UTRN: variants seen among roughly 807,000 people sequenced by gnomAD.
UTRN encodes dystrophin-related protein 1.
UTRN carries 283 observed loss-of-function variants against 463.9 expected under a neutral mutation model. The ratio of observed to expected loss-of-function variants is 0.61; its 90% CI spans 0.55 to 0.67. The LOEUF is 0.67. Ranked by LOEUF, UTRN falls within the 30% of genes least tolerant of loss-of-function variation. The probability of loss-of-function intolerance (pLI) is 0.00; values close to 1 mark genes in which losing one functional copy is unlikely to be tolerated. For missense variants in UTRN, 3,922 were observed against 4,084.3 expected, an observed-to-expected ratio of 0.96 and a Z score of 1.08; for synonymous variants, 1,442 against 1,431.5, an observed-to-expected ratio of 1.01 and a Z score of -0.17.
At chr6:144,843,395 C>T (rs1781758764) in intron 73 of UTRN, among the ~76,000 whole-genome samples, 1 of 152,034 alleles carries the variant, frequency 6.6e-6, no homozygotes, top group Non-Finnish European at 1.5e-5. Context: ...TCAAAGTATA[C>T]TCTGACATCC....
intron 17 of UTRN, among the ~76,000 whole-genome samples, chr6:144,449,748 A>G (rs532004144): frequency 6.6e-6 from 1 of 152,340 alleles, no homozygotes; most frequent in South Asian, 2.1e-4. Context: ...AGAATCAGCA[A>G]TAACGACTTG....
chr6:144,507,818 A>C (rs1794815737), intron 34 of UTRN, among the ~76,000 whole-genome samples: 1 of 152,198 alleles, frequency 6.6e-6, no homozygotes, highest in Non-Finnish European at 1.5e-5. Context: ...TGCTCTCTTC[A>C]GAGCCAGCAG....
At chr6:144,560,373 A>G (rs1354088918) in intron 50 of UTRN, among the ~76,000 whole-genome samples, 1 of 151,998 alleles carries the variant, frequency 6.6e-6, no homozygotes, top group Non-Finnish European at 1.5e-5. Context: ...ACTGATTCTT[A>G]TCTGTGTTGA....
intron 51 of UTRN, among the ~76,000 whole-genome samples, chr6:144,663,792 CT>C (rs1384500746): frequency 6.6e-6 from 1 of 152,174 alleles, no homozygotes; most frequent in African/African-American, 2.4e-5. Flanking sequence ...CATTTACCTC[CT>C]TTCACATGAC....
intron 53 of UTRN, among the ~76,000 whole-genome samples, chr6:144,707,381 A>G (rs1785201936): frequency 6.6e-6 from 1 of 152,212 alleles, no homozygotes; most frequent in South Asian, 2.1e-4. Context: ...TCTCTGTTCC[A>G]TACTTGCTGT....
At chr6:144,401,052 T>C (rs1782895427) in intron 2 of UTRN, among the ~76,000 whole-genome samples, 1 of 152,182 alleles carries the variant, frequency 6.6e-6, no homozygotes, top group African/African-American at 2.4e-5. Flanking sequence ...AGTTAAATGC[T>C]CCGGAAACAG....
At chr6:144,435,283 A>G (rs1317559620) in intron 9 of UTRN, among the ~76,000 whole-genome samples, 1 of 152,242 alleles carries the variant, frequency 6.6e-6, no homozygotes, top group Admixed American at 6.5e-5. Flanking sequence ...CAATTTGGTT[A>G]TAAGCTCTTA....
At chr6:144,534,290 C>G (rs751664349) in intron 43 of UTRN, among the ~76,000 whole-genome samples, 8 of 152,140 alleles carry the variant, frequency 5.3e-5, no homozygotes, top group Non-Finnish European at 1.0e-4. Flanking sequence ...CATGACTCAC[C>G]TCTTAGGGGA....
At chr6:144,389,368 G>A (rs962025429) in intron 2 of UTRN, among the ~76,000 whole-genome samples, 3 of 151,984 alleles carry the variant, frequency 2.0e-5, no homozygotes, top group African/African-American at 7.3e-5. Flanking sequence ...TGATTTTTGG[G>A]GCCCCACCGT....
chr6:144,313,786 G>C (rs981327124), intron 2 of UTRN, among the ~76,000 whole-genome samples: 1 of 152,232 alleles, frequency 6.6e-6, no homozygotes, highest in Non-Finnish European at 1.5e-5. Flanking sequence ...GAGAGATGGG[G>C]ATGGAAGAGG....
At chr6:144,302,689 A>G (rs1805392878) in intron 2 of UTRN, among the ~76,000 whole-genome samples, 2 of 152,198 alleles carry the variant, frequency 1.3e-5, no homozygotes, top group Admixed American at 1.3e-4. Flanking sequence ...AAAGACATCA[A>G]TAAACATCCC....
At chr6:144,623,127 C>CACTT (rs748922744) in intron 51 of UTRN, among the ~76,000 whole-genome samples, 1 of 152,160 alleles carries the variant, frequency 6.6e-6, no homozygotes, top group Non-Finnish European at 1.5e-5. Flanking sequence ...GAGGACTGAA[C>CACTT]ACTTGAGTTT....
At chr6:144,535,938 C>G (rs1797489569) in intron 43 of UTRN, among the ~76,000 whole-genome samples, 1 of 152,108 alleles carries the variant, frequency 6.6e-6, no homozygotes. Flanking sequence ...TGCTACCACA[C>G]CCAGCTGATT....
chr6:144,636,613 A>G (rs1015820223), intron 51 of UTRN, among the ~76,000 whole-genome samples: 4 of 152,226 alleles, frequency 2.6e-5, no homozygotes, highest in Non-Finnish European at 4.4e-5. Flanking sequence ...AACAAAGAAG[A>G]TAGATTTTAG....
At chr6:144,828,752 T>C (rs750065231) in intron 68 of UTRN, 38 bp from the exon 69 acceptor site, 64 of 1,580,586 alleles carry the variant, frequency 4.0e-5, no homozygotes, top group Non-Finnish European at 5.2e-5. Context: ...ATGTCCTATA[T>C]GGCCATGTTG....
intron 56 of UTRN, 56 bp downstream of exon 56, chr6:144,752,008 C>A: frequency 6.7e-7 from 1 of 1,488,670 alleles, no homozygotes; most frequent in South Asian, 1.4e-5. Flanking sequence ...GTCTTTAAAC[C>A]CTACCTCACT....
At chr6:144,530,352 C>G (rs548909512) in intron 41 of UTRN, among the ~76,000 whole-genome samples, 2 of 152,264 alleles carry the variant, frequency 1.3e-5, no homozygotes, top group East Asian at 1.9e-4. Flanking sequence ...AGACTAGAGC[C>G]CCACACTTAT....
chr6:144,365,982 C>T (rs1337606285), intron 2 of UTRN, among the ~76,000 whole-genome samples: 1 of 152,212 alleles, frequency 6.6e-6, no homozygotes, highest in Admixed American at 6.5e-5. Flanking sequence ...AGGTGTTCCA[C>T]CCGTCTCGGC....
At chr6:144,822,361 A>G (rs2128753667) in intron 66 of UTRN, among the ~76,000 whole-genome samples, 1 of 152,224 alleles carries the variant, frequency 6.6e-6, no homozygotes, top group Non-Finnish European at 1.5e-5. Context: ...GTGTGTAAAC[A>G]GAAAGAAATA....
Sources: allele counts gnomAD v4.1 joint callset (sites outside exome capture counted in the v4.1 genomes callset), GRCh38; gene constraint gnomAD v4.1.1; transcripts MANE v1.5; gene names NCBI Gene and HGNC (gene_info 2026-07-23, HGNC 2026-07-21).